Variants in EPHA3 observed in about 807,000 individuals in gnomAD.
EPHA3 encodes EPH receptor A3, also known as ephrin type-A receptor 3.
EPHA3 carries 42 observed loss-of-function variants against 107.1 expected under a neutral mutation model. The ratio of observed to expected loss-of-function variants is 0.39; its 90% confidence interval spans 0.31 to 0.51. The LOEUF is 0.51. Among genes scored for constraint, EPHA3 ranks in the 20% least tolerant of loss-of-function variants. EPHA3 has a pLI of 0.78. For missense variants in EPHA3, 1,183 were observed against 1,211.2 expected, an observed-to-expected ratio of 0.98 and a Z score of 0.35; for synonymous variants, 461 against 424.8, an observed-to-expected ratio of 1.09 and a Z score of -1.05.
At chr3:89,204,303 A>G (rs1576228044) in intron 2 of EPHA3, among the ~76,000 whole-genome samples, 2 of 152,146 alleles carry the variant, frequency 1.3e-5, no homozygotes, top group Admixed American at 6.5e-5. Context: ...GGGTATGAAT[A>G]GTAGCCATTA....
At chr3:89,394,596 A>G (rs1708811083) in intron 5 of EPHA3, among the ~76,000 whole-genome samples, 1 of 152,214 alleles carries the variant, frequency 6.6e-6, no homozygotes, top group South Asian at 2.1e-4. Flanking sequence ...TAGGTGAAGA[A>G]TAAAAATGAA....
At chr3:89,120,727 TC>T (rs1382644090) in intron 1 of EPHA3, among the ~76,000 whole-genome samples, 3 of 152,132 alleles carry the variant, frequency 2.0e-5, no homozygotes, top group Admixed American at 6.5e-5. Context: ...TCCAAGGAGT[TC>T]CCCCTACTGT....
chr3:89,264,631 C>T (rs576456017), intron 3 of EPHA3, among the ~76,000 whole-genome samples: 27 of 152,154 alleles, frequency 1.8e-4, no homozygotes, highest in African/African-American at 6.0e-4. Context: ...TAAATTAATC[C>T]TTGTTCCCCC....
chr3:89,241,761 C>G (rs778766074), intron 3 of EPHA3, among the ~76,000 whole-genome samples: 1 of 152,080 alleles, frequency 6.6e-6, no homozygotes, highest in Non-Finnish European at 1.5e-5. Context: ...TCTGAATAGT[C>G]TATTATTTCT....
At chr3:89,307,818 G>T (rs1706662720) in intron 3 of EPHA3, among the ~76,000 whole-genome samples, 1 of 152,142 alleles carries the variant, frequency 6.6e-6, no homozygotes, top group Non-Finnish European at 1.5e-5. Context: ...CTCCCAAAGT[G>T]CTTGGATTAC....
At chr3:89,287,113 C>T (rs768046615) in intron 3 of EPHA3, among the ~76,000 whole-genome samples, 1 of 152,174 alleles carries the variant, frequency 6.6e-6, no homozygotes, top group Non-Finnish European at 1.5e-5. Flanking sequence ...TTGGTTTTAA[C>T]AGGAAAAACA....
At chr3:89,350,664 C>G (rs1356184717) in intron 5 of EPHA3, among the ~76,000 whole-genome samples, 1 of 151,196 alleles carries the variant, frequency 6.6e-6, no homozygotes, top group Non-Finnish European at 1.5e-5. Context: ...TGGTGAGGAA[C>G]TGCGTTCCTT....
At chr3:89,352,434 T>C (rs1235607438) in intron 5 of EPHA3, among the ~76,000 whole-genome samples, 1 of 151,358 alleles carries the variant, frequency 6.6e-6, no homozygotes, top group South Asian at 2.1e-4. Flanking sequence ...TGGACTCACT[T>C]ACTATAAAAA....
chr3:89,341,943 T>C lies in EPHA3; in HGVS notation c.1159T>C (p.Phe387Leu). 1 of 1,613,220 alleles carries C rather than the reference T, an allele frequency of 6.2e-7. No homozygotes were observed. The highest frequency in any genetic ancestry group is 8.5e-7 in the Non-Finnish European group (1 of 1,179,808). ...SPNVRFLPRQ[F>L]GLTNTTVTVT... ...AAATGTCCGCTTCCTCCCTCGACAG[T>C]TTGGACTCACCAACACCACGGTGAC... The change falls in exon 5 of 17, where the codon TTT (phenylalanine) becomes CTT (leucine). Residue 387 changes from phenylalanine to leucine, a missense_variant. Coordinates refer to ENST00000336596, the MANE Select transcript of EPHA3 (RefSeq NM_005233.6).
rs527676930 is a variant in EPHA3 at position 89,208,177 on chromosome 3, C to G, written c.154-1683C>G. ...TCACGAGGCCAGGAGTTCAAGATCA[C>G]TGGCCAACATGGAGAAACCCCATCT... On this transcript the variant is annotated intron_variant, in intron 2 of 16. Coordinates refer to ENST00000336596, the MANE Select transcript of EPHA3 (RefSeq NM_005233.6). Among the ~76,000 whole-genome samples the G allele has an allele frequency of 7.2e-5, 11 of 151,874 alleles. No homozygotes were observed. In the East Asian group the frequency reaches 1.9e-3, roughly 27 times the overall value.
At chr3:89,279,896 T>A (rs1299951626) in intron 3 of EPHA3, among the ~76,000 whole-genome samples, 1 of 152,190 alleles carries the variant, frequency 6.6e-6, no homozygotes, top group Non-Finnish European at 1.5e-5. Flanking sequence ...GGTAATTACT[T>A]CAATAATAAG....
chr3:89,368,100 G>T (rs983310799), intron 5 of EPHA3, among the ~76,000 whole-genome samples: 1 of 150,446 alleles, frequency 6.6e-6, no homozygotes, highest in African/African-American at 2.4e-5. Flanking sequence ...AGAAGAAGAA[G>T]AGCTGAGCAG....
intron 5 of EPHA3, among the ~76,000 whole-genome samples, chr3:89,353,432 A>G (rs1301971289): frequency 2.0e-5 from 3 of 151,298 alleles, no homozygotes; most frequent in African/African-American, 4.8e-5. Flanking sequence ...GATTAATGAA[A>G]CCTAAAAATC....
chr3:89,181,677 G>C (rs1346515374), intron 2 of EPHA3, among the ~76,000 whole-genome samples: 1 of 151,914 alleles, frequency 6.6e-6, no homozygotes, highest in Non-Finnish European at 1.5e-5. Flanking sequence ...ATCAAGACCA[G>C]CTCCATAATC....
At chr3:89,304,158 G>C (rs573424357) in intron 3 of EPHA3, among the ~76,000 whole-genome samples, 2 of 151,988 alleles carry the variant, frequency 1.3e-5, no homozygotes, top group East Asian at 3.9e-4. Flanking sequence ...ACCAACTGTG[G>C]TTTTCCCTCC....
chr3:89,217,649 A>G (rs1489680992), intron 3 of EPHA3, among the ~76,000 whole-genome samples: 2 of 152,214 alleles, frequency 1.3e-5, no homozygotes, highest in Admixed American at 1.3e-4. Context: ...TAAACAAATA[A>G]AAAGCAAGAA....
intron 15 of EPHA3, among the ~76,000 whole-genome samples, chr3:89,456,952 T>C (rs1710109477): frequency 2.0e-5 from 3 of 152,052 alleles, no homozygotes; most frequent in Admixed American, 6.6e-5. Context: ...CGTTTAAATG[T>C]GGAAGAAAAA....
At chr3:89,288,147 A>T (rs182341774) in intron 3 of EPHA3, among the ~76,000 whole-genome samples, 18 of 152,150 alleles carry the variant, frequency 1.2e-4, no homozygotes, top group African/African-American at 4.3e-4. Flanking sequence ...TTTAAAAAAA[A>T]CACCTGGTGA....
chr3:89,201,816 G>T (rs1244835754), intron 2 of EPHA3, among the ~76,000 whole-genome samples: 5 of 152,142 alleles, frequency 3.3e-5, no homozygotes, highest in African/African-American at 4.8e-5. Flanking sequence ...GGGTAAAATT[G>T]GTTTTGTTAT....
Sources: gnomAD v4.1 joint callset for allele counts (sites outside exome capture counted in the v4.1 genomes callset) on GRCh38, gnomAD v4.1.1 for gene constraint, MANE v1.5 for transcripts, NCBI Gene and HGNC (gene_info 2026-07-23, HGNC 2026-07-21) for gene names.